The following RGS5 variants were observed in gnomAD, a reference collection of about 807,000 sequenced individuals.
RGS5 encodes the protein regulator of G-protein signalling 5.
In RGS5, 20 loss-of-function variants were observed where a neutral mutation model predicts 18.9. The ratio of observed to expected loss-of-function variants is 1.06; its 90% CI spans 0.74 to 1.54. The LOEUF (loss-of-function observed/expected upper bound fraction) is 1.54. RGS5 is among the 40% of genes most tolerant of loss of function. RGS5 has a pLI of 0.00. For synonymous variants in RGS5, 57 were observed against 76.2 expected (o/e 0.75, Z 1.31); for missense variants, 201 against 211.8 (o/e 0.95, Z 0.32).
At chr1:163,300,828 T>C (rs1649533255) in intron 2 of RGS5, 1 of 152,218 alleles carries the variant, frequency 6.6e-6, no homozygotes, top group Non-Finnish European at 1.5e-5. Context: ...CACGTACATT[T>C]GCGTAAAGCC....
At chr1:163,150,923 A>C (rs1487846912) in intron 4 of RGS5, among the ~76,000 whole-genome samples, 1 of 152,146 alleles carries the variant, frequency 6.6e-6, no homozygotes, top group Non-Finnish European at 1.5e-5. Flanking sequence ...TTCTCTCTCA[A>C]ACATCTTAAG....
At chr1:163,219,410 T>A (rs1353136836), upstream of RGS5, among the ~76,000 whole-genome samples, 2 of 152,186 alleles carry the variant, frequency 1.3e-5, no homozygotes, top group African/African-American at 4.8e-5. Flanking sequence ...TACTTTTGCA[T>A]CTTGTAGTTC....
chr1:163,318,378 C>G (rs182830434), intron 1 of RGS5, among the ~76,000 whole-genome samples: 2 of 152,198 alleles, frequency 1.3e-5, no homozygotes, highest in African/African-American at 4.8e-5. Context: ...GTCATTCTGG[C>G]TGCTACTTAC....
chr1:163,306,440 G>A (rs1293604679), intron 1 of RGS5: 1 of 152,156 alleles, frequency 6.6e-6, no homozygotes. Flanking sequence ...AAAAATCCAG[G>A]AATTGCATTT....
intron 2 of RGS5, among the ~76,000 whole-genome samples, chr1:163,229,905 G>C (rs1647434598): frequency 6.6e-6 from 1 of 152,090 alleles, no homozygotes; most frequent in East Asian, 1.9e-4. Flanking sequence ...GCATCCTCCA[G>C]ATACCTGGCT....
At chr1:163,192,176 T>C (rs1659386896) in intron 1 of RGS5, among the ~76,000 whole-genome samples, 1 of 152,222 alleles carries the variant, frequency 6.6e-6, no homozygotes, top group South Asian at 2.1e-4. Flanking sequence ...ATATAAATTA[T>C]TGAAGCTAAA....
chr1:163,222,705 G>T (rs2101679058), intron 2 of RGS5, among the ~76,000 whole-genome samples: 1 of 152,274 alleles, frequency 6.6e-6, no homozygotes, highest in African/African-American at 2.4e-5. Context: ...GCACTCAAAG[G>T]ACTTGGACTG....
At chr1:163,229,795 C>G (rs1647431897) in intron 2 of RGS5, among the ~76,000 whole-genome samples, 1 of 152,208 alleles carries the variant, frequency 6.6e-6, no homozygotes, top group South Asian at 2.1e-4. Flanking sequence ...ACAATACTCT[C>G]CTTACGTCCT....
chr1:163,219,536 G>T (rs1660291345), upstream of RGS5, among the ~76,000 whole-genome samples: 1 of 152,038 alleles, frequency 6.6e-6, no homozygotes, highest in South Asian at 2.1e-4. Context: ...TTATAAAATG[G>T]TAATATATAA....
chr1:163,176,036 G>A (rs1384811758), intron 1 of RGS5, among the ~76,000 whole-genome samples: 1 of 152,242 alleles, frequency 6.6e-6, no homozygotes, highest in Middle Eastern at 3.4e-3. Context: ...ACTATAAGAT[G>A]GCTGAAAAGA....
At chr1:163,302,631 G>A (rs1649581962) in intron 2 of RGS5, among the ~76,000 whole-genome samples, 1 of 152,088 alleles carries the variant, frequency 6.6e-6, no homozygotes, top group African/African-American at 2.4e-5. Context: ...GTATGGTCCT[G>A]CCTTCCCTTT....
intron 3 of RGS5, 57 bp from the exon 4 acceptor site, chr1:163,152,773 G>C: frequency 6.8e-7 from 1 of 1,463,746 alleles, no homozygotes; most frequent in Middle Eastern, 2.4e-4. Context: ...AACAAATATT[G>C]TATCCATGAG....
At chr1:163,231,575 C>A (rs1475078579) in intron 2 of RGS5, among the ~76,000 whole-genome samples, 1 of 152,032 alleles carries the variant, frequency 6.6e-6, no homozygotes, top group South Asian at 2.1e-4. Context: ...TATTTTTAGT[C>A]CAGTGGTATG....
intron 2 of RGS5, among the ~76,000 whole-genome samples, chr1:163,301,045 G>A (rs1239452756): frequency 3.3e-5 from 5 of 152,130 alleles, no homozygotes; most frequent in Non-Finnish European, 7.4e-5. Context: ...ATGAGGTTGA[G>A]GAGAAAATAT....
intron 2 of RGS5, among the ~76,000 whole-genome samples, chr1:163,298,248 C>G (rs1455965243): frequency 1.3e-5 from 2 of 151,910 alleles, no homozygotes; most frequent in Non-Finnish European, 1.5e-5. Flanking sequence ...ATAAAGATAA[C>G]TAATCATATA....
chr1:163,311,929 A>C (rs1327810783), intron 1 of RGS5, among the ~76,000 whole-genome samples: 2 of 152,240 alleles, frequency 1.3e-5, no homozygotes, highest in Non-Finnish European at 2.9e-5. Context: ...GTATCTGCAA[A>C]TCATAATGAA....
intron 1 of RGS5, among the ~76,000 whole-genome samples, chr1:163,214,539 C>T (rs988764968): frequency 1.7e-4 from 26 of 152,036 alleles, no homozygotes; most frequent in Admixed American, 3.9e-4. Context: ...TCCCTTCCTT[C>T]GGGCTCATTC....
In RGS5 at chr1:163,276,922, A is replaced by G. The variant is rs565210822; in HGVS notation, c.-281+29311T>C. 2.6e-5 allele frequency among the ~76,000 whole-genome samples: 4 copies of G among 152,348 alleles called. No individual in the cohort carries two copies. The South Asian group carries it at 8.3e-4, about 32-fold the overall frequency. ...TTAACCTGAGAAACTAGTACAGGTC[A>G]TGACAGGAATTGGGAGTCAGACATG... is the stretch of plus-strand genomic sequence containing the variant. On this transcript the variant is annotated intron_variant, in intron 2 of 5. Transcript: ENST00000618415.
chr1:163,245,643 G>A (rs1005599788), intron 2 of RGS5, among the ~76,000 whole-genome samples: 1 of 152,218 alleles, frequency 6.6e-6, no homozygotes, highest in South Asian at 2.1e-4. Flanking sequence ...CTTAGTACCT[G>A]TGTAAATTTA....
Sources: allele counts gnomAD v4.1 joint callset (sites outside exome capture counted in the v4.1 genomes callset), GRCh38; gene constraint gnomAD v4.1.1; transcripts MANE v1.5; gene names NCBI Gene and HGNC (gene_info 2026-07-23, HGNC 2026-07-21).